The following BRD7 variants were observed in gnomAD, a reference collection of about 807,000 sequenced individuals.
BRD7 encodes bromodomain containing 7.
BRD7 carries 15 observed loss-of-function variants against 82.1 expected under a neutral mutation model. The observed-to-expected ratio is 0.18, with a 90% CI of 0.12 to 0.28. The LOEUF is 0.28. Ranked by LOEUF, BRD7 falls within the 10% of genes least tolerant of loss-of-function variation. The pLI is 1.00. For missense variants in BRD7, 638 were observed against 779.9 expected (o/e 0.82, Z 2.17); for synonymous variants, 232 against 266.9 (o/e 0.87, Z 1.27).
At chr16:50,346,776 C>T (rs2038301796) in intron 5 of BRD7, among the ~76,000 whole-genome samples, 1 of 151,838 alleles carries the variant, frequency 6.6e-6, no homozygotes, top group African/African-American at 2.4e-5. Flanking sequence ...CAATAGCCTA[C>T]CAACCAAAAA....
At position 50,316,867 on chromosome 16, in the gene BRD7, T is replaced by A. The variant is rs2036823992; in HGVS notation, c.*2344A>T. The A allele has an allele frequency of 6.6e-6, 1 of 152,354 alleles. No homozygotes were observed. Among genetic ancestry groups the A allele is most frequent in the Non-Finnish European group, 1.5e-5 (1 of 68,026 alleles). 9.4% of individuals were successfully genotyped at this position (152,354 alleles called of 1,614,324 possible). A position where few individuals can be genotyped will look rare whatever the true frequency, so the allele number is the denominator to read the frequency against. Reference sequence around the variant, plus strand: ...TCGCCAGGATTTCTAATGCACTCAGTTTCCCTACATAGCAGGGATTCTTAG... The same window carrying A: ...TCGCCAGGATTTCTAATGCACTCAGATTCCCTACATAGCAGGGATTCTTAG... On this transcript the variant is annotated 3_prime_UTR_variant, in exon 17 of 17. Coordinates refer to ENST00000394688, the MANE Select transcript of BRD7 (RefSeq NM_013263.5).
At chr16:50,332,402 A>G (rs1315574246) in intron 8 of BRD7, among the ~76,000 whole-genome samples, 2 of 152,252 alleles carry the variant, frequency 1.3e-5, no homozygotes, top group Non-Finnish European at 2.9e-5. Flanking sequence ...AACATATGAG[A>G]AAATGCTCAG....
chr16:50,361,860 T>C (rs1477298631), intron 2 of BRD7: 3 of 149,796 alleles, frequency 2.0e-5, no homozygotes, highest in Non-Finnish European at 4.4e-5. Flanking sequence ...AGCTCCATAA[T>C]CCTCTGGTGT....
chr16:50,349,895 TAAAC>T, intron 5 of BRD7, 124 bp downstream of exon 5: 4 of 918,614 alleles, frequency 4.4e-6, no homozygotes, highest in Non-Finnish European at 6.3e-6. Flanking sequence ...GAAGCAGAAA[TAAAC>T]AAAGATACTG....
rs375793137 is a variant in BRD7, at chr16:50,341,928, TCACACACA to T, written c.592-1850_592-1843del. Reference sequence around the variant, plus strand: ...AAAGCTGAGTCTTCCTGCACACTTTTCACACACACACACACACACACACACACACACAC... The same window carrying T: ...AAAGCTGAGTCTTCCTGCACACTTTTCACACACACACACACACACACACAC... On this transcript the variant is annotated intron_variant, in intron 5 of 16. Coordinates refer to ENST00000394688, the MANE Select transcript of BRD7 (RefSeq NM_013263.5). 9.9e-3 allele frequency among the ~76,000 whole-genome samples: 1,423 copies of T among 143,654 alleles called. 18 individuals are homozygous for T. The highest frequency in any genetic ancestry group is 0.03 in the African/African-American group (1,170 of 38,370). The allele number at this position is 143,654 out of a possible 152,430, so 94.2% of individuals were successfully genotyped here.
chr16:50,350,244 G>A, intron 4 of BRD7, 77 bp from the exon 5 acceptor site: 2 of 1,117,520 alleles, frequency 1.8e-6, no homozygotes, highest in Non-Finnish European at 2.4e-6. Flanking sequence ...GCAGAAGTCA[G>A]AGGAAACCCT....
At chr16:50,357,711 T>C (rs1041212359) in intron 2 of BRD7, among the ~76,000 whole-genome samples, 1 of 152,194 alleles carries the variant, frequency 6.6e-6, no homozygotes, top group Non-Finnish European at 1.5e-5. Flanking sequence ...CCAAGTGCAG[T>C]GGCTCGTGCC....
intron 5 of BRD7, chr16:50,349,470 C>A: frequency 2.2e-6 from 1 of 458,564 alleles, no homozygotes; most frequent in Non-Finnish European, 4.5e-6. Flanking sequence ...TCACTCTCTC[C>A]TGCTGCCATG....
chr16:50,355,575 T>G (rs1182600388), intron 2 of BRD7, among the ~76,000 whole-genome samples: 1 of 152,198 alleles, frequency 6.6e-6, no homozygotes, highest in Non-Finnish European at 1.5e-5. Flanking sequence ...AATCTTAGTA[T>G]ATCACAGAGG....
chr16:50,322,152 T>C, intron 12 of BRD7, 114 bp from the exon 13 acceptor site: 1 of 766,456 alleles, frequency 1.3e-6, no homozygotes, highest in Non-Finnish European at 2.1e-6. Flanking sequence ...AAATATGGAC[T>C]ACTGGAATAT....
At chr16:50,339,021 C>T (rs1380953033) in intron 6 of BRD7, among the ~76,000 whole-genome samples, 2 of 152,228 alleles carry the variant, frequency 1.3e-5, no homozygotes, top group African/African-American at 4.8e-5. Flanking sequence ...CCCTTCAAAG[C>T]CTTTTATCAA....
chr16:50,363,061 A>C lies in BRD7; in HGVS notation c.258+5029T>G, dbSNP rs532364032. ...ATATGCCTGATAAGTAGCAGTTGTT[A>C]TTTGTAAAACGTTACGTGTAGCTTT... On this transcript the variant is annotated intron_variant, in intron 2 of 16. Transcript: ENST00000394688. Among the ~76,000 whole-genome samples the C allele has an allele frequency of 9.1e-4, 138 of 152,344 alleles. 1 individual carries two copies. The highest frequency in any genetic ancestry group is 1.7e-3 in the Non-Finnish European group (113 of 68,036).
intron 6 of BRD7, among the ~76,000 whole-genome samples, chr16:50,338,223 T>G (rs1432334482): frequency 2.0e-5 from 3 of 152,212 alleles, no homozygotes; most frequent in Non-Finnish European, 4.4e-5. Context: ...CTGCAAAGAA[T>G]GGGTAAACAT....
chr16:50,367,088 G>C (rs577551838), intron 2 of BRD7, among the ~76,000 whole-genome samples: 5 of 152,294 alleles, frequency 3.3e-5, no homozygotes, highest in African/African-American at 9.6e-5. Context: ...CAATCACATG[G>C]AAGAGAAAGC....
At chr16:50,334,954 AT>A in intron 6 of BRD7, 59 bp from the exon 7 acceptor site, 4 of 1,009,458 alleles carry the variant, frequency 4.0e-6, no homozygotes, top group Admixed American at 2.5e-5. Flanking sequence ...AAAGTAATGC[AT>A]TTTTTTCCCC....
intron 6 of BRD7, among the ~76,000 whole-genome samples, chr16:50,339,647 CAG>C (rs555220082): frequency 8.5e-5 from 13 of 152,172 alleles, no homozygotes; most frequent in Non-Finnish European, 1.9e-4. Flanking sequence ...CAAATGCAAA[CAG>C]AGAGCTTTCC....
At chr16:50,355,142 A>T (rs34911323) in intron 2 of BRD7, among the ~76,000 whole-genome samples, 1 of 152,216 alleles carries the variant, frequency 6.6e-6, no homozygotes, top group African/African-American at 2.4e-5. Flanking sequence ...AGTTAGAAAA[A>T]CAATACTATC....
chr16:50,365,291 T>A (rs1371808351), intron 2 of BRD7, among the ~76,000 whole-genome samples: 1 of 152,214 alleles, frequency 6.6e-6, no homozygotes, highest in Non-Finnish European at 1.5e-5. Context: ...GGAGGATTTT[T>A]CTCTGGAGAA....
At chr16:50,364,242 A>G (rs1445598012) in intron 2 of BRD7, among the ~76,000 whole-genome samples, 2 of 152,184 alleles carry the variant, frequency 1.3e-5, no homozygotes, top group Non-Finnish European at 2.9e-5. Context: ...CTGAGAGAAG[A>G]GTCGCCAGTC....
Sources: allele counts gnomAD v4.1 joint callset (sites outside exome capture counted in the v4.1 genomes callset), GRCh38; gene constraint gnomAD v4.1.1; transcripts MANE v1.5; gene names NCBI Gene and HGNC (gene_info 2026-07-23, HGNC 2026-07-21).